Variants in BCOR observed in about 807,000 individuals in gnomAD.
BCOR encodes the protein BCL-6 corepressor.
Under a neutral mutation model 86.7 loss-of-function variants are expected in BCOR, and 10 were observed. The observed-to-expected ratio is 0.12, with a 90% CI of 0.07 to 0.20. The LOEUF is 0.20. Ranked by LOEUF, BCOR falls within the 10% of genes least tolerant of loss-of-function variation. The pLI, the probability that BCOR is intolerant of heterozygous loss-of-function variation, is 1.00. For synonymous variants in BCOR, 611 were observed against 609.0 expected (o/e 1.00, Z -0.05); for missense variants, 1,259 against 1,452.1 (o/e 0.87, Z 2.16).
Position 40,173,745 on chromosome X carries a change from G to C in BCOR, c.-41+3262C>G, listed in dbSNP as rs764898236. ...CCTGGGGAAGAGCGCTGGTTTCCAGGACCTCCAGCCTACTCTTCCAGGACA... is the reference window on the plus strand; with the variant it reads ...CCTGGGGAAGAGCGCTGGTTTCCAGCACCTCCAGCCTACTCTTCCAGGACA... On this transcript the variant is annotated intron_variant, in intron 1 of 14. Transcript: ENST00000342274. 5.4e-5 allele frequency among the ~76,000 whole-genome samples: 6 copies of C among 111,987 alleles called. No individual in the cohort carries two copies. The South Asian group carries it at 2.3e-3, about 42-fold the overall frequency.
intron 1 of BCOR, among the ~76,000 whole-genome samples, chrX:40,084,499 C>T (rs1936258152): frequency 8.9e-6 from 1 of 111,978 alleles, no homozygotes; most frequent in Non-Finnish European, 1.9e-5. Context: ...GGAATCCCTC[C>T]TTACTATCTT....
intron 10 of BCOR, among the ~76,000 whole-genome samples, chrX:40,061,491 T>C (rs1020134762): frequency 1.8e-5 from 2 of 111,307 alleles, no homozygotes; most frequent in Non-Finnish European, 3.8e-5. Context: ...TTACTTTGGA[T>C]CTTAGGGGCT....
At chrX:40,090,701 T>C (rs1156933601) in intron 1 of BCOR, among the ~76,000 whole-genome samples, 1 of 112,088 alleles carries the variant, frequency 8.9e-6, no homozygotes, top group Non-Finnish European at 1.9e-5. Flanking sequence ...CGGTGCGCTC[T>C]CTCCGAAAAG....
intron 4 of BCOR, chrX:40,072,127 G>C: frequency 4.5e-6 from 2 of 441,427 alleles, no homozygotes; most frequent in Non-Finnish European, 7.9e-6. Flanking sequence ...GCAATTGAGT[G>C]GAGTTCCCTT....
intron 1 of BCOR, among the ~76,000 whole-genome samples, chrX:40,173,146 CTT>C (rs1301251576): frequency 8.9e-6 from 1 of 111,995 alleles, no homozygotes; most frequent in Non-Finnish European, 1.9e-5. Flanking sequence ...AAACAGATCA[CTT>C]TCATTACAAA....
At chrX:40,141,561 A>G (rs768403051) in intron 1 of BCOR, among the ~76,000 whole-genome samples, 8 of 111,302 alleles carry the variant, frequency 7.2e-5, no homozygotes, top group Admixed American at 1.9e-4. Flanking sequence ...GGAGATTCTC[A>G]GGTTTGTTTT....
At position 40,072,667 on chromosome X, in the gene BCOR, C is replaced by G. The variant is rs758490253; in HGVS notation, c.2679G>C (p.Gly893=). Residue 893 remains glycine (G), a synonymous_variant, in exon 4 of 15, where the codon GGG becomes GGC. Coordinates refer to ENST00000378444, the MANE Select transcript of BCOR (RefSeq NM_001123385.2). ...VLAGTNKENL[G]LPVSTPFLEP... is the part of the protein sequence containing the mutation. ...CCAGGAATGGAGTCGAGACTGGCAA[C>G]CCTAGGTTCTCTTTGTTGGTACCTG... 48 of 1,210,418 alleles carry G rather than the reference C, an allele frequency of 4.0e-5. No individual in the cohort carries two copies. The South Asian group carries it at 8.1e-4, about 20-fold the overall frequency.
In BCOR at chrX:40,073,394, A is replaced by G. The variant is rs746064364; in HGVS notation, c.1952T>C (p.Ile651Thr). Residue 651 changes from isoleucine (I) to threonine (T), a missense_variant, in exon 4 of 15, where the codon ATT (isoleucine) becomes ACT (threonine). Ile to Thr is a moderately conservative substitution (Grantham distance 89, BLOSUM62 -1). Transcript: ENST00000378444. Reference sequence around the variant, plus strand: ...AGGGAGGTAACTCCTGGGGTAGGGAATTGGTGGGGACCTGAATGCCTCATT... The same window carrying G: ...AGGGAGGTAACTCCTGGGGTAGGGAGTTGGTGGGGACCTGAATGCCTCATT... ...SPNEAFRSPP[I>T]PYPRSYLPYP... 3.3e-6 allele frequency: 4 copies of G among 1,212,183 alleles called. No individual in the cohort carries two copies. The highest frequency in any genetic ancestry group is 4.5e-6 in the Non-Finnish European group (4 of 895,513).
At chrX:40,171,752 G>C (rs1938625583) in intron 1 of BCOR, among the ~76,000 whole-genome samples, 1 of 113,194 alleles carries the variant, frequency 8.8e-6, no homozygotes. Flanking sequence ...CAGCCCTGTG[G>C]AAAGGAGGAG....
chrX:40,090,758 G>T (rs761540129), intron 1 of BCOR, among the ~76,000 whole-genome samples: 2 of 112,012 alleles, frequency 1.8e-5, no homozygotes, highest in South Asian at 3.6e-4. Context: ...AGGCGGGAAG[G>T]GGGGGACGGG....
chrX:40,126,086 C>T (rs1198477630), intron 1 of BCOR, among the ~76,000 whole-genome samples: 1 of 109,652 alleles, frequency 9.1e-6, no homozygotes, highest in East Asian at 2.9e-4. Flanking sequence ...CGTGGTGGTG[C>T]GTGCCTGTAG....
intron 1 of BCOR, among the ~76,000 whole-genome samples, chrX:40,081,437 C>CT (rs1463546413): frequency 8.9e-6 from 1 of 112,300 alleles, no homozygotes. Context: ...TAGCTGGGGA[C>CT]TTTTTTACCT....
chrX:40,085,201 A>G (rs1204279813), intron 1 of BCOR, among the ~76,000 whole-genome samples: 4 of 112,861 alleles, frequency 3.5e-5, no homozygotes, highest in Non-Finnish European at 7.5e-5. Flanking sequence ...TGACTAATAC[A>G]TTGCATATCG....
chrX:40,172,657 C>A (rs747502655), intron 1 of BCOR, among the ~76,000 whole-genome samples: 1 of 113,184 alleles, frequency 8.8e-6, no homozygotes, highest in Non-Finnish European at 1.9e-5. Context: ...ACGAACTGGG[C>A]TCTCCAGTCC....
chrX:40,106,854 C>CCTCCCA (rs1937197329), intron 1 of BCOR, among the ~76,000 whole-genome samples: 1 of 110,759 alleles, frequency 9.0e-6, no homozygotes, highest in Non-Finnish European at 1.9e-5. Context: ...TTCTCCGCTC[C>CCTCCCA]CTCCCACTCC....
intron 11 of BCOR, among the ~76,000 whole-genome samples, chrX:40,056,595 A>G (rs1934612712): frequency 8.9e-6 from 1 of 112,042 alleles, no homozygotes; most frequent in Non-Finnish European, 1.9e-5. Context: ...CCGTTTGGCT[A>G]TTTCTGTCAC....
In BCOR at chrX:40,074,888, G is replaced by A. The variant is rs1365459588; in HGVS notation, c.458C>T (p.Pro153Leu). The part of the protein sequence containing the change: ...NGFSAIYKTP[P>L]GIQKSAVATA... ...GGCTACAGCACTTTTTTGTATTCCA[G>A]GCGGTGTTTTGTATATAGCACTGAA... The change falls in exon 4 of 15, where the codon CCT becomes CTT. Residue 153 changes from proline (P) to leucine (L), a missense_variant. Coordinates refer to ENST00000378444, the MANE Select transcript of BCOR (RefSeq NM_001123385.2). The A allele has an allele frequency of 3.3e-6, 4 of 1,209,173 alleles. No homozygotes were observed. The Admixed American group carries it at 8.7e-5, about 26-fold the overall frequency.
chrX:40,142,544 C>G (rs1461445846), intron 1 of BCOR, among the ~76,000 whole-genome samples: 1 of 111,823 alleles, frequency 8.9e-6, no homozygotes, highest in Admixed American at 9.5e-5. Flanking sequence ...CTTGACACAT[C>G]TGTTCCTTTC....
At chrX:40,057,063 G>A (rs895896638) in intron 11 of BCOR, 92 bp downstream of exon 11, 5 of 1,032,147 alleles carry the variant, frequency 4.8e-6, no homozygotes, top group Non-Finnish European at 6.8e-6. Flanking sequence ...CTTTCCTCCT[G>A]GAATTTCCCG....
Sources: gnomAD v4.1 joint callset for allele counts (sites outside exome capture counted in the v4.1 genomes callset) on GRCh38, gnomAD v4.1.1 for gene constraint, MANE v1.5 for transcripts, NCBI Gene and HGNC (gene_info 2026-07-23, HGNC 2026-07-21) for gene names.